Variants in NOSIP observed in about 807,000 individuals in gnomAD.
NOSIP encodes nitric oxide synthase-interacting protein.
A neutral mutation model predicts 36.4 loss-of-function variants in NOSIP; 25 were observed. The ratio of observed to expected loss-of-function variants is 0.69; its 90% confidence interval spans 0.50 to 0.96. The LOEUF (loss-of-function observed/expected upper bound fraction) is 0.96. Ranked by LOEUF, NOSIP falls within the 40% of genes least tolerant of loss-of-function variation. The pLI is 0.00. For synonymous variants in NOSIP, 187 were observed against 179.2 expected (o/e 1.04, Z -0.35); for missense variants, 370 against 429.0 (o/e 0.86, Z 1.21).
At chr19:49,566,991 T>C (rs2080418081) in intron 1 of NOSIP, among the ~76,000 whole-genome samples, 1 of 151,516 alleles carries the variant, frequency 6.6e-6, no homozygotes, top group South Asian at 2.1e-4. Context: ...AATTGTTGTA[T>C]TTTTAGTAGA....
intron 8 of NOSIP, 136 bp downstream of exon 8, chr19:49,556,181 G>T: frequency 2.3e-6 from 1 of 430,560 alleles, no homozygotes; most frequent in Non-Finnish European, 4.1e-6. Flanking sequence ...GGGGGGGGGG[G>T]GCGGCCTTAC....
chr19:49,557,153 A>G lies in NOSIP; in HGVS notation c.355T>C (p.Ser119Pro). 3 of 1,611,874 alleles carry G rather than the reference A, an allele frequency of 1.9e-6. No homozygotes were observed. The highest frequency in any genetic ancestry group is 2.5e-6 in the Non-Finnish European group (3 of 1,179,300). Residue 119 changes from serine to proline, a missense_variant, in exon 5 of 9, where the codon TCG becomes CCG. Ser to Pro is a moderately conservative substitution (Grantham distance 74). Transcript: ENST00000596358. Reference protein sequence around the residue: ...DHVRGFLEKESAIVSRPLNPF... With the variant: ...DHVRGFLEKEPAIVSRPLNPF... The stretch of plus-strand genomic sequence containing the variant: ...TTGAGGGGCCGGCTCACGATAGCCG[A>G]CTCCTTCTCCAGGAAGCCCCGCACA...
intron 4 of NOSIP, chr19:49,557,936 G>A (rs1421902649): frequency 2.7e-5 from 27 of 987,074 alleles, no homozygotes; most frequent in Non-Finnish European, 3.3e-5. Flanking sequence ...ATGGGCACAG[G>A]GGGAGCCACC....
chr19:49,555,793 C>T lies in NOSIP; in HGVS notation c.864G>A (p.Val288=), dbSNP rs528425276. ...RGGTGFAGSG[V]KLQAEKSRPV... ...GCCGTGATTTCTCCGCTTGCAGCTT[C>T]ACTCCGGAGCCCGCGAAGCCGGTAC... is the stretch of plus-strand genomic sequence containing the variant. Residue 288 remains valine (V), a synonymous_variant, in exon 9 of 9, where the codon GTG becomes GTA. Transcript: ENST00000596358. 3 of 1,613,536 alleles carry T rather than the reference C, an allele frequency of 1.9e-6. No individual in the cohort carries two copies. In the Admixed American group the frequency reaches 5.0e-5, roughly 27 times the overall value.
chr19:49,577,876 T>C (rs1299783001), intron 1 of NOSIP, among the ~76,000 whole-genome samples: 4 of 152,034 alleles, frequency 2.6e-5, no homozygotes, highest in Non-Finnish European at 5.9e-5. Context: ...TATGGTTTCA[T>C]TTGTGCAAAA....
At chr19:49,577,558 A>G (rs1453672572) in intron 1 of NOSIP, among the ~76,000 whole-genome samples, 1 of 151,238 alleles carries the variant, frequency 6.6e-6, no homozygotes, top group East Asian at 1.9e-4. Flanking sequence ...AAAAAAAAAG[A>G]AAAGAAGTAT....
rs1323573031 is a variant in NOSIP, at chr19:49,556,864, TG to T, written c.537+10del. ...TGGCACCGTGCGTGCCGGGGCGCTGTGGGGGCTCACCGGCTTCTCCAGCTTG... is the reference window on the plus strand; with the variant it reads ...TGGCACCGTGCGTGCCGGGGCGCTGTGGGGCTCACCGGCTTCTCCAGCTTG... On this transcript the variant is annotated intron_variant, in intron 6 of 8. Coordinates refer to ENST00000596358, the MANE Select transcript of NOSIP (RefSeq NM_001270960.2). 6.2e-7 allele frequency: 1 copy of T among 1,608,744 alleles called. No individual in the cohort carries two copies. The highest frequency in any genetic ancestry group is 8.5e-7 in the Non-Finnish European group (1 of 1,175,686).
At chr19:49,558,168 T>G (rs2080280475) in intron 4 of NOSIP, 1 of 158,792 alleles carries the variant, frequency 6.3e-6, no homozygotes, top group Admixed American at 6.4e-5. Flanking sequence ...GTCCTCTGAT[T>G]TGGCCGTCAG....
At chr19:49,559,159 G>A (rs1434971929) in intron 3 of NOSIP, 181 bp from the exon 4 acceptor site, 2 of 618,160 alleles carry the variant, frequency 3.2e-6, no homozygotes, top group East Asian at 5.4e-5. Flanking sequence ...GTGAAAGGAT[G>A]CAGATTAAAA....
chr19:49,570,240 G>T (rs924166714), intron 1 of NOSIP, among the ~76,000 whole-genome samples: 1 of 152,092 alleles, frequency 6.6e-6, no homozygotes, highest in Non-Finnish European at 1.5e-5. Flanking sequence ...TTGGGGTGGG[G>T]AGCACAACCA....
chr19:49,570,871 T>G (rs2080475048), intron 1 of NOSIP, among the ~76,000 whole-genome samples: 2 of 152,182 alleles, frequency 1.3e-5, no homozygotes, highest in Non-Finnish European at 2.9e-5. Context: ...GAGATGAGCT[T>G]GCTTGCTGTT....
chr19:49,570,289 G>A (rs915417970), intron 1 of NOSIP, among the ~76,000 whole-genome samples: 1 of 151,890 alleles, frequency 6.6e-6, no homozygotes, highest in African/African-American at 2.4e-5. Flanking sequence ...CATCTCTATC[G>A]CCCCCTTCTG....
chr19:49,568,549 T>C (rs954808168), intron 1 of NOSIP, among the ~76,000 whole-genome samples: 3 of 152,138 alleles, frequency 2.0e-5, no homozygotes, highest in Non-Finnish European at 4.4e-5. Context: ...ATCAACTGCA[T>C]TGGAATAAAT....
intron 4 of NOSIP, 148 bp from the exon 5 acceptor site, chr19:49,557,397 G>A: frequency 6.9e-7 from 1 of 1,439,734 alleles, no homozygotes; most frequent in Non-Finnish European, 9.1e-7. Flanking sequence ...ACCCTGGGTG[G>A]GTGTGAACCT....
At chr19:49,556,048 G>T (rs751786349) in intron 8 of NOSIP, among the ~76,000 whole-genome samples, 61 of 145,436 alleles carry the variant, frequency 4.2e-4, no homozygotes, top group Middle Eastern at 3.5e-3. Flanking sequence ...GGGAGGGAGC[G>T]TGTGGAGGGG....
intron 4 of NOSIP, 183 bp from the exon 5 acceptor site, chr19:49,557,432 C>T (rs2080270058): frequency 7.0e-7 from 1 of 1,424,366 alleles, no homozygotes; most frequent in Non-Finnish European, 9.1e-7. Flanking sequence ...GCCAGACTGC[C>T]AGGGCTCAAA....
chr19:49,559,568 T>G (rs148894998), intron 3 of NOSIP: 1 of 217,616 alleles, frequency 4.6e-6, no homozygotes, highest in Non-Finnish European at 9.3e-6. Flanking sequence ...AATTACTGTC[T>G]TCTACAAAAT....
chr19:49,556,862 T>C lies in NOSIP; in HGVS notation c.537+13A>G. ...CCTGGCACCGTGCGTGCCGGGGCGCTGTGGGGGCTCACCGGCTTCTCCAGC... is the reference window on the plus strand; with the variant it reads ...CCTGGCACCGTGCGTGCCGGGGCGCCGTGGGGGCTCACCGGCTTCTCCAGC... On this transcript the variant is annotated intron_variant, in intron 6 of 8. Transcript: ENST00000596358. 6.2e-7 allele frequency: 1 copy of C among 1,608,780 alleles called. No homozygotes were observed. Among genetic ancestry groups the C allele is most frequent in the Non-Finnish European group, 8.5e-7 (1 of 1,175,636 alleles).
rs903746040 is a variant in NOSIP, at chr19:49,560,245, G to C, written c.71-206C>G. 3 of 587,162 alleles carry C rather than the reference G, an allele frequency of 5.1e-6. No homozygotes were observed. Among genetic ancestry groups the C allele is most frequent in the Non-Finnish European group, 9.1e-6 (3 of 328,748 alleles). 36.4% of individuals were successfully genotyped at this position (587,162 alleles called of 1,614,324 possible). On this transcript the variant is annotated intron_variant, in intron 2 of 8. Transcript: ENST00000596358. This position sits in a 1 kb window ranked among gnomAD's most constrained non-coding sequence, Gnocchi z 4.6. ...TGTCAACCCTGGAGGGTGAGAGGCA[G>C]ACAGGCCTGGTCACTGAGTGGCAGC... is the stretch of plus-strand genomic sequence containing the variant.
Sources: allele counts gnomAD v4.1 joint callset (sites outside exome capture counted in the v4.1 genomes callset), GRCh38; gene constraint gnomAD v4.1.1; non-coding constraint Gnocchi (gnomAD v3.1); transcripts MANE v1.5; gene names NCBI Gene and HGNC (gene_info 2026-07-23, HGNC 2026-07-21).